Variants in PLXDC2 observed in about 807,000 individuals in gnomAD.
PLXDC2 encodes the protein plexin domain-containing protein 2.
A neutral mutation model predicts 68.9 loss-of-function variants in PLXDC2; 40 were observed. That is an observed-to-expected ratio of 0.58 (90% CI 0.45 to 0.76). PLXDC2 has a LOEUF of 0.76. Ranked by LOEUF, PLXDC2 falls within the 30% of genes least tolerant of loss-of-function variation. The pLI, the probability that PLXDC2 is intolerant of heterozygous loss-of-function variation, is 0.00. For missense variants in PLXDC2, 644 were observed against 661.9 expected (o/e 0.97, Z 0.30); for synonymous variants, 243 against 234.2 (o/e 1.04, Z -0.34).
At chr10:20,268,536 G>A (rs1017346324) in intron 13 of PLXDC2, among the ~76,000 whole-genome samples, 1 of 152,152 alleles carries the variant, frequency 6.6e-6, no homozygotes, top group Non-Finnish European at 1.5e-5. Flanking sequence ...TCATTCTCTT[G>A]TGTTGTTTCT....
chr10:20,062,864 A>C (rs1836130545), intron 3 of PLXDC2, among the ~76,000 whole-genome samples: 1 of 152,164 alleles, frequency 6.6e-6, no homozygotes, highest in South Asian at 2.1e-4. Flanking sequence ...AAGCCAATAT[A>C]CTAGAAATAT....
chr10:20,249,262 A>G (rs955309319), intron 13 of PLXDC2, among the ~76,000 whole-genome samples: 2 of 152,212 alleles, frequency 1.3e-5, no homozygotes, highest in African/African-American at 4.8e-5. Flanking sequence ...CTGAGAGCCT[A>G]ACATGTGCCT....
At chr10:19,822,266 A>G (rs61841504) in intron 1 of PLXDC2, among the ~76,000 whole-genome samples, 405 of 149,284 alleles carry the variant, frequency 2.7e-3, no homozygotes, top group Non-Finnish European at 4.3e-3. Context: ...TATGCAATAT[A>G]TATAATATAT....
intron 13 of PLXDC2, among the ~76,000 whole-genome samples, chr10:20,246,591 C>T (rs1835598983): frequency 6.6e-6 from 1 of 152,228 alleles, no homozygotes; most frequent in East Asian, 1.9e-4. Flanking sequence ...CACAAGTGAT[C>T]CTCCCGCCTT....
chr10:20,046,611 A>C (rs1291964738), intron 2 of PLXDC2, among the ~76,000 whole-genome samples: 1 of 152,098 alleles, frequency 6.6e-6, no homozygotes, highest in African/African-American at 2.4e-5. Context: ...TTAGATAATA[A>C]ATGAACTAGA....
intron 13 of PLXDC2, among the ~76,000 whole-genome samples, chr10:20,255,191 G>GGATAGATAGATA (rs199581943): frequency 7.9e-4 from 76 of 96,808 alleles, no homozygotes; most frequent in East Asian, 1.8e-3. Flanking sequence ...ATAGGTGGAT[G>GGATAGATAGATA]GATAGATAGA....
intron 6 of PLXDC2, among the ~76,000 whole-genome samples, chr10:20,161,625 A>C (rs1018323219): frequency 5.3e-5 from 8 of 152,084 alleles, no homozygotes; most frequent in Non-Finnish European, 1.0e-4. Flanking sequence ...AGGGCTTGAC[A>C]TAGACCCAAA....
intron 1 of PLXDC2, among the ~76,000 whole-genome samples, chr10:19,855,454 T>C (rs1837194709): frequency 6.6e-6 from 1 of 152,202 alleles, no homozygotes; most frequent in East Asian, 1.9e-4. Flanking sequence ...TTATTTGAAC[T>C]GTCTAAACCT....
At chr10:19,879,155 G>A (rs1034158114) in intron 1 of PLXDC2, among the ~76,000 whole-genome samples, 2 of 152,068 alleles carry the variant, frequency 1.3e-5, no homozygotes, top group Non-Finnish European at 2.9e-5. Flanking sequence ...CCTTCATTTA[G>A]GGGACTAAAG....
At chr10:19,996,305 G>A (rs989617994) in intron 1 of PLXDC2, among the ~76,000 whole-genome samples, 1 of 152,120 alleles carries the variant, frequency 6.6e-6, no homozygotes, top group Non-Finnish European at 1.5e-5. Context: ...AATTAGTCAG[G>A]CATGGAGGCC....
intron 1 of PLXDC2, among the ~76,000 whole-genome samples, chr10:20,001,296 T>C (rs1049174553): frequency 2.0e-5 from 3 of 152,252 alleles, no homozygotes; most frequent in Non-Finnish European, 2.9e-5. Context: ...CCCGTTCCTA[T>C]ACACTGGTGT....
chr10:20,066,085 C>G (rs1836205758), intron 3 of PLXDC2, among the ~76,000 whole-genome samples: 1 of 152,198 alleles, frequency 6.6e-6, no homozygotes, highest in Non-Finnish European at 1.5e-5. Context: ...GTTTAGCAGA[C>G]AGTATCTTCC....
intron 13 of PLXDC2, among the ~76,000 whole-genome samples, chr10:20,249,046 G>A (rs1221648073): frequency 6.6e-6 from 1 of 152,146 alleles, no homozygotes; most frequent in African/African-American, 2.4e-5. Context: ...GAATTTTTAT[G>A]TACATAATTT....
intron 4 of PLXDC2, among the ~76,000 whole-genome samples, chr10:20,129,459 T>C (rs1295537138): frequency 6.6e-6 from 1 of 151,492 alleles, no homozygotes; most frequent in African/African-American, 2.4e-5. Context: ...TAAAGGCTTT[T>C]CAGTTTCATG....
chr10:19,913,067 T>G (rs1355079447), intron 1 of PLXDC2, among the ~76,000 whole-genome samples: 1 of 152,226 alleles, frequency 6.6e-6, no homozygotes, highest in African/African-American at 2.4e-5. Context: ...TGAATGTTTT[T>G]GAATGCAGCT....
chr10:19,900,312 C>T (rs1838136279), intron 1 of PLXDC2, among the ~76,000 whole-genome samples: 1 of 152,120 alleles, frequency 6.6e-6, no homozygotes, highest in South Asian at 2.1e-4. Flanking sequence ...ACTTATGAGC[C>T]ACCTCTTTTA....
chr10:20,114,591 A>T (rs1833599246), intron 4 of PLXDC2, among the ~76,000 whole-genome samples: 1 of 152,234 alleles, frequency 6.6e-6, no homozygotes, highest in Non-Finnish European at 1.5e-5. Flanking sequence ...GGTGTGGACC[A>T]CAAAGGGTGT....
chr10:20,233,958 C>G (rs1209968636), intron 12 of PLXDC2, among the ~76,000 whole-genome samples: 1 of 151,026 alleles, frequency 6.6e-6, no homozygotes, highest in African/African-American at 2.4e-5. Flanking sequence ...GTAGCTGGGA[C>G]TACAGTTATG....
intron 4 of PLXDC2, among the ~76,000 whole-genome samples, chr10:20,104,110 G>A (rs1464986844): frequency 6.6e-6 from 1 of 152,142 alleles, no homozygotes; most frequent in South Asian, 2.1e-4. Context: ...TGAGAGTTAG[G>A]AAGTCTGAAC....
Sources: allele counts gnomAD v4.1 joint callset (sites outside exome capture counted in the v4.1 genomes callset), GRCh38; gene constraint gnomAD v4.1.1; transcripts MANE v1.5; gene names NCBI Gene and HGNC (gene_info 2026-07-23, HGNC 2026-07-21).